Variants in QKI observed in about 807,000 individuals in gnomAD.
The protein encoded by QKI is KH domain-containing RNA-binding protein QKI.
Under a neutral mutation model 39.0 loss-of-function variants are expected in QKI, and 10 were observed. The observed-to-expected ratio is 0.26, with a 90% confidence interval of 0.16 to 0.43. The LOEUF (loss-of-function observed/expected upper bound fraction) is 0.43. Among genes scored for constraint, QKI ranks in the 20% least tolerant of loss-of-function variants. The pLI, the probability that QKI is intolerant of heterozygous loss-of-function variation, is 1.00. For missense variants in QKI, 218 were observed against 428.0 expected (o/e 0.51, Z 4.33); for synonymous variants, 204 against 155.4 (o/e 1.31, Z -2.33).
chr6:163,478,549 C>A (rs1194822333), intron 2 of QKI, among the ~76,000 whole-genome samples: 1 of 152,138 alleles, frequency 6.6e-6, no homozygotes, highest in Admixed American at 6.6e-5. Flanking sequence ...GTATACTGTT[C>A]CCAGTTCATA....
In QKI at chr6:163,491,690, C is replaced by T. The variant is rs746148639; in HGVS notation, c.402+12794C>T. Among the ~76,000 whole-genome samples the T allele has an allele frequency of 2.0e-5, 3 of 152,114 alleles. No homozygotes were observed. In the East Asian group the frequency reaches 5.8e-4, roughly 29 times the overall value. The stretch of plus-strand genomic sequence containing the variant: ...TCAGTACATTTATAGAGTGGAGTCA[C>T]TGCTTTTTGCCCATTGTTAAGAAAG... On this transcript the variant is annotated intron_variant, in intron 3 of 7. Coordinates refer to ENST00000361752, the MANE Select transcript of QKI (RefSeq NM_006775.3).
At chr6:163,510,577 G>T (rs1779387300) in intron 3 of QKI, among the ~76,000 whole-genome samples, 2 of 151,896 alleles carry the variant, frequency 1.3e-5, no homozygotes, top group African/African-American at 4.8e-5. Context: ...TAAATGTACA[G>T]TTTACAGAGA....
At chr6:163,519,988 GACAAGTAACGT>G (rs1780051603) in intron 3 of QKI, among the ~76,000 whole-genome samples, 1 of 152,084 alleles carries the variant, frequency 6.6e-6, no homozygotes, top group African/African-American at 2.4e-5. Context: ...AGCACTAGTG[GACAAGTAACGT>G]ACCCTTTGAA....
intron 3 of QKI, among the ~76,000 whole-genome samples, chr6:163,532,892 T>C (rs1242181537): frequency 6.6e-6 from 1 of 152,214 alleles, no homozygotes; most frequent in Non-Finnish European, 1.5e-5. Flanking sequence ...GGGGCAGTTA[T>C]AGGCTCACCT....
At chr6:163,523,454 A>T (rs1780282270) in intron 3 of QKI, among the ~76,000 whole-genome samples, 1 of 152,214 alleles carries the variant, frequency 6.6e-6, no homozygotes, top group Admixed American at 6.5e-5. Flanking sequence ...ACTATATGCA[A>T]AACATTTTGG....
At chr6:163,489,773 G>A (rs1777936478) in intron 3 of QKI, among the ~76,000 whole-genome samples, 1 of 152,064 alleles carries the variant, frequency 6.6e-6, no homozygotes, top group Admixed American at 6.6e-5. Context: ...TATTAAAGAT[G>A]ACTCATCAAG....
At chr6:163,568,980 A>G (rs1783540257) in intron 7 of QKI, 1 of 985,964 alleles carries the variant, frequency 1.0e-6, no homozygotes, top group Admixed American at 6.1e-5. Flanking sequence ...TTCCACACTC[A>G]GAAAAGAAGT....
chr6:163,550,276 G>A (rs1562534268), intron 4 of QKI, among the ~76,000 whole-genome samples: 1 of 152,056 alleles, frequency 6.6e-6, no homozygotes, highest in Non-Finnish European at 1.5e-5. Context: ...TAGTGTGTTC[G>A]CCCAGGTCTG....
At chr6:163,435,197 G>A (rs1789162249) in intron 1 of QKI, among the ~76,000 whole-genome samples, 2 of 152,206 alleles carry the variant, frequency 1.3e-5, no homozygotes, top group South Asian at 2.1e-4. Context: ...TTACGCAATT[G>A]TTACAGGTTT....
chr6:163,416,047 T>C, intron 1 of QKI: 1 of 23,582 alleles, frequency 4.2e-5, no homozygotes, highest in East Asian at 1.9e-3. Flanking sequence ...ACTTCACTTT[T>C]CGGGGGTGGG....
intron 2 of QKI, among the ~76,000 whole-genome samples, chr6:163,477,483 T>A (rs1206091837): frequency 6.6e-6 from 1 of 152,192 alleles, no homozygotes; most frequent in Non-Finnish European, 1.5e-5. Context: ...AAGTACTTTG[T>A]TAAAATGGAT....
At chr6:163,544,954 T>A (rs1781777437) in intron 4 of QKI, among the ~76,000 whole-genome samples, 1 of 152,138 alleles carries the variant, frequency 6.6e-6, no homozygotes. Flanking sequence ...ATTAAAATCC[T>A]ATAGCTCTAA....
At chr6:163,504,490 G>A (rs73017329) in intron 3 of QKI, among the ~76,000 whole-genome samples, 14 of 152,258 alleles carry the variant, frequency 9.2e-5, no homozygotes, top group Non-Finnish European at 1.3e-4. Flanking sequence ...CAATCCATGA[G>A]CGTGGGATGT....
chr6:163,520,799 T>G (rs1224982064), intron 3 of QKI, among the ~76,000 whole-genome samples: 1 of 152,246 alleles, frequency 6.6e-6, no homozygotes, highest in Non-Finnish European at 1.5e-5. Flanking sequence ...TATACTCTGC[T>G]GCATTAACTA....
At position 163,571,818 on chromosome 6, in the gene QKI, T is replaced by C. The variant is rs533087943; in HGVS notation, c.*1108T>C. 47 of 152,272 alleles carry C rather than the reference T, an allele frequency of 3.1e-4. No individual in the cohort carries two copies. The highest frequency in any genetic ancestry group is 1.2e-4 in the Non-Finnish European group (8 of 68,006). 9.4% of individuals were successfully genotyped at this position (152,272 alleles called of 1,614,324 possible). On this transcript the variant is annotated 3_prime_UTR_variant, in exon 8 of 8. Coordinates refer to ENST00000361752, the MANE Select transcript of QKI (RefSeq NM_006775.3). ...AAGACCAAAAGAGCCTTTTTGTCTTTCTTTTTTATTTTTTAAGTATTGGAA... is the reference window on the plus strand; with the variant it reads ...AAGACCAAAAGAGCCTTTTTGTCTTCCTTTTTTATTTTTTAAGTATTGGAA...
intron 3 of QKI, among the ~76,000 whole-genome samples, chr6:163,488,969 ATTTCT>A (rs764037480): frequency 0.066 from 5,672 of 86,392 alleles, 114 homozygotes; most frequent in African/African-American, 0.085. Context: ...TTATCCTTCC[ATTTCT>A]TTTTTTTTTT....
intron 4 of QKI, among the ~76,000 whole-genome samples, chr6:163,542,236 A>G (rs1289184375): frequency 6.6e-6 from 1 of 152,048 alleles, no homozygotes; most frequent in Non-Finnish European, 1.5e-5. Flanking sequence ...GGTATCAGAT[A>G]CCATCCTTCC....
At chr6:163,468,865 A>G (rs1029545637) in intron 2 of QKI, among the ~76,000 whole-genome samples, 4 of 152,000 alleles carry the variant, frequency 2.6e-5, no homozygotes, top group African/African-American at 9.7e-5. Flanking sequence ...AACGATATTA[A>G]CCTGGAAATT....
chr6:163,521,381 A>C (rs1359431990), intron 3 of QKI, among the ~76,000 whole-genome samples: 2 of 152,158 alleles, frequency 1.3e-5, no homozygotes, highest in African/African-American at 4.8e-5. Context: ...AATGTAACAA[A>C]TATTTTAGAT....
Sources: allele counts gnomAD v4.1 joint callset (sites outside exome capture counted in the v4.1 genomes callset), GRCh38; gene constraint gnomAD v4.1.1; transcripts MANE v1.5; gene names NCBI Gene and HGNC (gene_info 2026-07-23, HGNC 2026-07-21).